MAPT: variants seen among roughly 807,000 people sequenced by gnomAD.
MAPT encodes the protein microtubule-associated protein tau.
MAPT carries 34 observed loss-of-function variants against 67.9 expected under a neutral mutation model. The ratio of observed to expected loss-of-function variants is 0.50; its 90% CI spans 0.38 to 0.67. The LOEUF is 0.67. Among genes scored for constraint, MAPT ranks in the 30% least tolerant of loss-of-function variants. The pLI is 0.00. For missense variants in MAPT, 881 were observed against 1,115.2 expected (o/e 0.79, Z 2.99); for synonymous variants, 456 against 464.5 (o/e 0.98, Z 0.23).
At position 46,024,038 on chromosome 17, in the gene MAPT, T is replaced by C. The variant is rs759366566; in HGVS notation, c.2369T>C (p.Val790Ala). The C allele has an allele frequency of 2.5e-6, 4 of 1,614,120 alleles. No individual in the cohort carries two copies. In the Admixed American group the frequency reaches 6.7e-5, roughly 27 times the overall value. Residue 790 changes from valine to alanine, a missense_variant, in exon 13 of 13, where the codon GTG (valine) becomes GCG (alanine). Val to Ala is a moderately conservative substitution (Grantham distance 64). Transcript: ENST00000262410. ...HGAEIVYKSP[V>A]VSGDTSPRHL... ...GCGGAGATCGTGTACAAGTCGCCAGTGGTGTCTGGGGACACGTCTCCACGG... is the reference window on the plus strand; with the variant it reads ...GCGGAGATCGTGTACAAGTCGCCAGCGGTGTCTGGGGACACGTCTCCACGG...
At chr17:45,940,080 T>A (rs2067718563) in intron 1 of MAPT, among the ~76,000 whole-genome samples, 1 of 152,316 alleles carries the variant, frequency 6.6e-6, no homozygotes, top group African/African-American at 2.4e-5. Flanking sequence ...TAAAATCTAT[T>A]AAAGGGGACA....
chr17:45,938,451 T>C (rs544912221), intron 1 of MAPT, among the ~76,000 whole-genome samples: 1 of 152,338 alleles, frequency 6.6e-6, no homozygotes, highest in East Asian at 1.9e-4. Flanking sequence ...AGGACCCTCA[T>C]GATTACTTTG....
rs865881974 is a variant in MAPT at position 45,982,898 on chromosome 17, G to A, written c.319G>A (p.Ala107Thr). 2.6e-5 allele frequency: 34 copies of A among 1,329,148 alleles called. No individual in the cohort carries two copies. The Middle Eastern group carries it at 8.6e-4, about 33-fold the overall frequency. 82.3% of individuals were successfully genotyped at this position (1,329,148 alleles called of 1,614,324 possible). A position where few individuals can be genotyped will look rare whatever the true frequency, so the allele number is the denominator to read the frequency against. Residue 107 changes from alanine to threonine, a missense_variant, in exon 5 of 13, where the codon GCG becomes ACG. By Grantham distance (58) the Ala-to-Thr change is moderately conservative. Transcript: ENST00000262410. The stretch of plus-strand genomic sequence containing the variant: ...GAGAGTTCCGGGCCGGCAGAGGAAG[G>A]CGCCTGAAAGGCCCCTGGCCAATGA... ...ELRVPGRQRK[A>T]PERPLANEIS...
intron 2 of MAPT, chr17:45,969,040 T>A (rs1275403938): frequency 1.3e-5 from 2 of 152,188 alleles, no homozygotes; most frequent in Admixed American, 1.3e-4. Flanking sequence ...TCTGCCTGAC[T>A]CTCTAGAGGC....
Position 45,983,337 on chromosome 17 carries a change from C to G in MAPT, c.758C>G (p.Thr253Arg). The G allele has an allele frequency of 1.2e-6, 2 of 1,602,278 alleles. No individual in the cohort carries two copies. Among genetic ancestry groups the G allele is most frequent in the Non-Finnish European group, 1.7e-6 (2 of 1,175,078 alleles). The change falls in exon 5 of 13, where the codon ACA becomes AGA. Residue 253 changes from threonine to arginine, a missense_variant. This residue lies in a region of MAPT where 687 missense variants were observed against 766.1 expected (regional missense o/e 0.90). Coordinates refer to ENST00000262410, the MANE Select transcript of MAPT (RefSeq NM_001377265.1). ...CCTTCGGGGACAGGACCTGAGGACA[C>G]AGAGGGCGGCCGCCACGCCCCTGAG... ...RQPSGTGPED[T>R]EGGRHAPELL...
chr17:45,958,996 G>C (rs1454880444), intron 1 of MAPT, among the ~76,000 whole-genome samples: 2 of 152,224 alleles, frequency 1.3e-5, no homozygotes, highest in African/African-American at 2.4e-5. Context: ...ACGGGAGGCA[G>C]AGGTTGCAGT....
chr17:45,932,752 G>C (rs2316783), intron 1 of MAPT, among the ~76,000 whole-genome samples: 21,831 of 152,180 alleles, frequency 0.14, 2,140 homozygotes, highest in Middle Eastern at 0.22. Flanking sequence ...GTGCTAACTA[G>C]AACCTTACTA....
chr17:45,963,957 T>A (rs2070743630), intron 2 of MAPT, among the ~76,000 whole-genome samples: 1 of 151,958 alleles, frequency 6.6e-6, no homozygotes, highest in African/African-American at 2.4e-5. Context: ...AAGGAAGACA[T>A]GGGCGTATTG....
rs749723202 is a variant in MAPT at position 45,974,437 on chromosome 17, G to A, written c.220+2492G>A. ...GAGCTCCCGGCAAGCAGGCTGCCGC[G>A]CAGCCCCACACGGAGATCCCAGAAG... On this transcript the variant is annotated intron_variant, in intron 3 of 12. Transcript: ENST00000262410. 27 of 1,610,026 alleles carry A rather than the reference G, an allele frequency of 1.7e-5. No homozygotes were observed. The African/African-American group carries it at 1.9e-4, about 11-fold the overall frequency.
At chr17:45,928,711 T>G (rs1462198063) in intron 1 of MAPT, among the ~76,000 whole-genome samples, 1 of 152,178 alleles carries the variant, frequency 6.6e-6, no homozygotes, top group Non-Finnish European at 1.5e-5. Context: ...TTGTTTGTTT[T>G]TTGAGACAGA....
At position 46,010,218 on chromosome 17, in the gene MAPT, G is replaced by A. The variant is rs936339290; in HGVS notation, c.1999-92G>A. 5.7e-5 allele frequency: 48 copies of A among 836,944 alleles called. No homozygotes were observed. Among genetic ancestry groups the A allele is most frequent in the Admixed American group, 2.8e-4 (14 of 50,080 alleles). 51.8% of individuals were successfully genotyped at this position (836,944 alleles called of 1,614,324 possible). ...AGCAAGTAGGCGGGTCCAGGGTGGC[G>A]CATGTCACTCATCGAAAGTGGAGGC... On this transcript the variant is annotated intron_variant, in intron 9 of 12. Coordinates refer to ENST00000262410, the MANE Select transcript of MAPT (RefSeq NM_001377265.1). The surrounding 1 kb of genome is among the most constrained non-coding windows in gnomAD (Gnocchi z 4.7).
chr17:45,910,306 C>T (rs1054817361), intron 1 of MAPT, among the ~76,000 whole-genome samples: 1 of 152,138 alleles, frequency 6.6e-6, no homozygotes, highest in Non-Finnish European at 1.5e-5. Flanking sequence ...ATTCCTTCCC[C>T]TCTTCTACAG....
intron 1 of MAPT, among the ~76,000 whole-genome samples, chr17:45,930,057 C>T (rs2066702342): frequency 6.6e-6 from 1 of 152,100 alleles, no homozygotes; most frequent in African/African-American, 2.4e-5. Context: ...GTGCATAAGC[C>T]CCACCATGCT....
In MAPT at chr17:45,954,646, AAAAT is replaced by A. The variant is rs367845866; in HGVS notation, c.-17-7667_-17-7664del. On this transcript the variant is annotated intron_variant, in intron 1 of 12. Coordinates refer to ENST00000262410, the MANE Select transcript of MAPT (RefSeq NM_001377265.1). ...TCCAAATAAATAAATAATGCAAAGT[AAAAT>A]AAATAAAACCATATAAAAAGGAATC... 8.8e-3 allele frequency among the ~76,000 whole-genome samples: 1,336 copies of A among 152,240 alleles called. 21 individuals are homozygous for A. Among genetic ancestry groups the A allele is most frequent in the African/African-American group, 0.03 (1,242 of 41,548 alleles).
rs149663833 is a variant in MAPT at position 45,988,037 on chromosome 17, A to G, written c.1407+942A>G. ...AGTCTAGGGAGGGGAAAGATCTATT[A>G]CCCTGGGCCTCGGCCAGCTGGGGAG... On this transcript the variant is annotated intron_variant, in intron 6 of 12. Transcript: ENST00000262410. 8.1e-3 allele frequency among the ~76,000 whole-genome samples: 1,230 copies of G among 152,114 alleles called. 7 individuals carry two copies. The highest frequency in any genetic ancestry group is 0.013 in the Non-Finnish European group (860 of 67,972).
chr17:46,008,735 C>G (rs1247232691), intron 9 of MAPT, among the ~76,000 whole-genome samples: 2 of 152,278 alleles, frequency 1.3e-5, no homozygotes, highest in East Asian at 3.9e-4. Context: ...AACCCCAGAT[C>G]CGACAGCCCA....
chr17:45,984,462 CACA>C (rs1283046311), intron 5 of MAPT, among the ~76,000 whole-genome samples: 3 of 152,236 alleles, frequency 2.0e-5, no homozygotes, highest in Non-Finnish European at 2.9e-5. Flanking sequence ...TCCTGCATCC[CACA>C]ACGCCTCCCA....
intron 1 of MAPT, among the ~76,000 whole-genome samples, chr17:45,954,242 TC>T (rs2069376672): frequency 6.6e-6 from 1 of 152,224 alleles, no homozygotes; most frequent in Admixed American, 6.5e-5. Context: ...TTATTTATGC[TC>T]GATGGCTGCT....
chr17:45,948,136 G>C (rs1034754579), intron 1 of MAPT, among the ~76,000 whole-genome samples: 10 of 152,028 alleles, frequency 6.6e-5, no homozygotes, highest in African/African-American at 2.4e-4. Context: ...CTCCTGAGTA[G>C]CTGGGATTAC....
Sources: allele counts gnomAD v4.1 joint callset (sites outside exome capture counted in the v4.1 genomes callset), GRCh38; gene constraint gnomAD v4.1.1; regional missense constraint gnomAD v4.1.1; non-coding constraint Gnocchi (gnomAD v3.1); transcripts MANE v1.5; gene names NCBI Gene and HGNC (gene_info 2026-07-23, HGNC 2026-07-21).